GRID2IP: variants seen among roughly 807,000 people sequenced by gnomAD.
GRID2IP encodes the protein Grid2 interacting protein.
In GRID2IP, 78 loss-of-function variants were observed where a neutral mutation model predicts 114.3. The observed-to-expected ratio is 0.68, with a 90% confidence interval of 0.57 to 0.82. The LOEUF is 0.82. Ranked by LOEUF, GRID2IP falls within the 40% of genes least tolerant of loss-of-function variation. The probability of loss-of-function intolerance (pLI) is 0.00; values close to 1 mark genes in which losing one functional copy is unlikely to be tolerated. For synonymous variants in GRID2IP, 809 were observed against 724.0 expected (o/e 1.12, Z -1.89); for missense variants, 1,727 against 1,678.5 (o/e 1.03, Z -0.51).
rs765564269 is a variant in GRID2IP at position 6,532,279 on chromosome 7, C to T, written c.585-5510G>A. On this transcript the variant is annotated intron_variant, in intron 2 of 21. Coordinates refer to ENST00000457091, the MANE Select transcript of GRID2IP (RefSeq NM_001145118.2). The surrounding 1 kb of genome is among the most constrained non-coding windows in gnomAD (Gnocchi z 4.4). ...TGGGGAGGGGCTCTTCAGGGGCACCCCCAACCAGAACATCAGCATGAAGCC... is the reference window on the plus strand; with the variant it reads ...TGGGGAGGGGCTCTTCAGGGGCACCTCCAACCAGAACATCAGCATGAAGCC... Among the ~76,000 whole-genome samples, 2 of 152,218 alleles carry T rather than the reference C, an allele frequency of 1.3e-5. No individual in the cohort carries two copies. Among genetic ancestry groups the T allele is most frequent in the South Asian group, 2.1e-4 (1 of 4,820 alleles).
At chr7:6,522,723 G>C (rs1207011271) in intron 4 of GRID2IP, among the ~76,000 whole-genome samples, 1 of 151,036 alleles carries the variant, frequency 6.6e-6, no homozygotes, top group East Asian at 1.9e-4. Context: ...TCGGCTCACT[G>C]CAACCTCTGC....
At chr7:6,525,268 T>C (rs1779487368) in intron 4 of GRID2IP, among the ~76,000 whole-genome samples, 1 of 151,760 alleles carries the variant, frequency 6.6e-6, no homozygotes, top group Non-Finnish European at 1.5e-5. Flanking sequence ...GATCATGCCA[T>C]TGCACTCCAG....
intron 1 of GRID2IP, among the ~76,000 whole-genome samples, chr7:6,543,216 G>A (rs1250913517): frequency 6.6e-6 from 1 of 152,106 alleles, no homozygotes; most frequent in East Asian, 1.9e-4. Context: ...CCAACATGGT[G>A]AAACCCCATC....
At chr7:6,513,823 C>T (rs1029901202) in intron 8 of GRID2IP, among the ~76,000 whole-genome samples, 1 of 152,006 alleles carries the variant, frequency 6.6e-6, no homozygotes, top group East Asian at 1.9e-4. Flanking sequence ...TGGCTCACAC[C>T]TGTAATCCCT....
chr7:6,542,497 A>AT (rs1169989379), intron 1 of GRID2IP, among the ~76,000 whole-genome samples: 4 of 151,556 alleles, frequency 2.6e-5, no homozygotes, highest in East Asian at 1.9e-4. Context: ...CTACAAACAA[A>AT]TTTTTTTTAA....
chr7:6,510,579 A>G, intron 10 of GRID2IP, 30 bp downstream of exon 10: 1 of 1,478,324 alleles, frequency 6.8e-7, no homozygotes, highest in Non-Finnish European at 9.1e-7. Flanking sequence ...CCCCCTACTG[A>G]CCCCACGTGG....
intron 2 of GRID2IP, among the ~76,000 whole-genome samples, chr7:6,531,675 G>A (rs1016212653): frequency 1.3e-5 from 2 of 152,228 alleles, no homozygotes; most frequent in African/African-American, 2.4e-5. Flanking sequence ...ATTATCGGCT[G>A]TGGCCGAGAA....
Position 6,526,255 on chromosome 7 carries a change from G to A in GRID2IP, c.888C>T (p.His296=), listed in dbSNP as rs752552322. The A allele has an allele frequency of 4.5e-5, 70 of 1,551,816 alleles. No individual in the cohort carries two copies. The highest frequency in any genetic ancestry group is 3.1e-4 in the Admixed American group (16 of 50,986). ...GGACAGACTCGATCCAGACAGGCCC[G>A]TGGCCGCGAAGTGTGAAGCCGAAGC... The part of the protein sequence containing the change: ...NKSFGFTLRG[H]GPVWIESVLP... Residue 296 remains histidine, a synonymous_variant, in exon 4 of 22, where the codon CAC becomes CAT. Transcript: ENST00000457091. The surrounding 1 kb of genome is among the most constrained non-coding windows in gnomAD (Gnocchi z 7.6).
chr7:6,526,211 G>C lies in GRID2IP; in HGVS notation c.919+13C>G. 6.5e-7 allele frequency: 1 copy of C among 1,550,350 alleles called. No homozygotes were observed. The highest frequency in any genetic ancestry group is 1.7e-4 in the Middle Eastern group (1 of 5,988). On this transcript the variant is annotated intron_variant, in intron 4 of 21. Coordinates refer to ENST00000457091, the MANE Select transcript of GRID2IP (RefSeq NM_001145118.2). The surrounding 1 kb of genome is among the most constrained non-coding windows in gnomAD (Gnocchi z 7.6). ...GCCTTAGGGACTCTTAGGGCAACCG[G>C]CCCACCCCTCACCAGGCAGGACAGA...
chr7:6,510,521 C>T, intron 10 of GRID2IP, 88 bp downstream of exon 10: 2 of 1,324,120 alleles, frequency 1.5e-6, no homozygotes, highest in South Asian at 1.5e-5. Context: ...ACAGGGACGC[C>T]TTGGCCTGGG....
intron 1 of GRID2IP, among the ~76,000 whole-genome samples, chr7:6,542,104 C>T (rs1370454738): frequency 2.0e-5 from 3 of 151,938 alleles, no homozygotes; most frequent in Non-Finnish European, 4.4e-5. Flanking sequence ...GTGTTTGAGA[C>T]CAGCCTGGCC....
rs374263678 is a variant in GRID2IP at position 6,511,115 on chromosome 7, G to A, written c.1424-76C>T. On this transcript the variant is annotated intron_variant, in intron 8 of 21. Coordinates refer to ENST00000457091, the MANE Select transcript of GRID2IP (RefSeq NM_001145118.2). ...AGGGACCTCCAAAACAGGGAGGGGA[G>A]GGCAGATGTCATCTGCACCAATATG... The A allele has an allele frequency of 1.1e-5, 14 of 1,318,566 alleles. No individual in the cohort carries two copies. In the East Asian group the frequency reaches 3.4e-4, roughly 32 times the overall value. The allele number at this position is 1,318,566 out of a possible 1,614,324, so 81.7% of individuals were successfully genotyped here.
intron 4 of GRID2IP, among the ~76,000 whole-genome samples, chr7:6,522,807 ATGTGTGTG>A (rs72277817): frequency 1.4e-5 from 2 of 147,574 alleles, no homozygotes; most frequent in African/African-American, 2.5e-5. Context: ...CCTGGCTAAT[ATGTGTGTG>A]TGTGTGTGTG....
chr7:6,503,242 G>T (rs909925160), intron 16 of GRID2IP, 79 bp from the exon 17 acceptor site: 7 of 1,121,372 alleles, frequency 6.2e-6, no homozygotes, highest in South Asian at 1.6e-5. Context: ...GGGGTGGGAG[G>T]GGGGGATCTG....
chr7:6,516,058 T>C lies in GRID2IP; in HGVS notation c.1269-1529A>G, dbSNP rs957500245. Among the ~76,000 whole-genome samples, 2 of 150,846 alleles carry C rather than the reference T, an allele frequency of 1.3e-5. No individual in the cohort carries two copies. Among genetic ancestry groups the C allele is most frequent in the African/African-American group, 2.4e-5 (1 of 41,020 alleles). ...GTTGCAGTGAGCTGAGATCGCGCCA[T>C]TGCACTCCAGCCTGGGTGACAGAGC... On this transcript the variant is annotated intron_variant, in intron 7 of 21. Coordinates refer to ENST00000457091, the MANE Select transcript of GRID2IP (RefSeq NM_001145118.2). This position sits in a 1 kb window ranked among gnomAD's most constrained non-coding sequence, Gnocchi z 4.3.
intron 14 of GRID2IP, among the ~76,000 whole-genome samples, chr7:6,505,392 CTG>C (rs1786548203): frequency 2.1e-5 from 3 of 139,812 alleles, no homozygotes; most frequent in Non-Finnish European, 4.6e-5. Flanking sequence ...CGGGGTCTCA[CTG>C]TGTCACCCAG....
chr7:6,526,254 C>A lies in GRID2IP; in HGVS notation c.889G>T (p.Gly297Trp). Residue 297 changes from glycine to tryptophan, a missense_variant, in exon 4 of 22, where the codon GGG becomes TGG. By Grantham distance (184) the Gly-to-Trp change is radical. Transcript: ENST00000457091. This position sits in a 1 kb window ranked among gnomAD's most constrained non-coding sequence, Gnocchi z 7.6. ...AGGACAGACTCGATCCAGACAGGCC[C>A]GTGGCCGCGAAGTGTGAAGCCGAAG... ...KSFGFTLRGH[G>W]PVWIESVLPG... The A allele has an allele frequency of 6.4e-7, 1 of 1,551,938 alleles. No individual in the cohort carries two copies. The highest frequency in any genetic ancestry group is 8.7e-7 in the Non-Finnish European group (1 of 1,147,022).
In GRID2IP at chr7:6,508,123, G is replaced by A. The variant is rs1431562544; in HGVS notation, c.2406C>T (p.Pro802=). The A allele has an allele frequency of 4.0e-6, 6 of 1,518,518 alleles. No individual in the cohort carries two copies. Among genetic ancestry groups the A allele is most frequent in the Admixed American group, 2.0e-5 (1 of 49,234 alleles). 94.1% of individuals were successfully genotyped at this position (1,518,518 alleles called of 1,614,324 possible). ...SHPVPPPPPP[P]LPPPVPCAPP... The stretch of plus-strand genomic sequence containing the variant: ...GTGCACAGGGCACGGGTGGGGGCAG[G>A]GGCGGTGGGGGTGGTGGAGGGACTG... Residue 802 remains proline (P), a synonymous_variant, in exon 13 of 22, where the codon CCC becomes CCT. Coordinates refer to ENST00000457091, the MANE Select transcript of GRID2IP (RefSeq NM_001145118.2). The surrounding 1 kb of genome is among the most constrained non-coding windows in gnomAD (Gnocchi z 5.6).
rs779969151 is a variant in GRID2IP, at chr7:6,503,060, C to T, written c.3011G>A (p.Arg1004His). Residue 1004 changes from arginine to histidine, a missense_variant, in exon 17 of 22, where the codon CGC becomes CAC. Arg to His is a conservative substitution (Grantham distance 29, BLOSUM62 0). Coordinates refer to ENST00000457091, the MANE Select transcript of GRID2IP (RefSeq NM_001145118.2). ...GTTTTTGAGCTCCAGGGAGGCCTGG[C>T]GCAAGCATTCAAGGCTGCCTCGGAT... is the stretch of plus-strand genomic sequence containing the variant. The part of the protein sequence containing the change: ...EEIRGSLECL[R>H]QASLELKNSR... 8.4e-6 allele frequency: 13 copies of T among 1,551,402 alleles called. No individual in the cohort carries two copies. The highest frequency in any genetic ancestry group is 1.0e-5 in the Non-Finnish European group (12 of 1,146,956).
Sources: allele counts gnomAD v4.1 joint callset (sites outside exome capture counted in the v4.1 genomes callset), GRCh38; gene constraint gnomAD v4.1.1; non-coding constraint Gnocchi (gnomAD v3.1); transcripts MANE v1.5; gene names NCBI Gene and HGNC (gene_info 2026-07-23, HGNC 2026-07-21).